Variants in UCHL3 observed in about 807,000 individuals in gnomAD.
UCHL3 encodes ubiquitin C-terminal hydrolase L3, also known as ubiquitin carboxyl-terminal hydrolase isozyme L3.
UCHL3 carries 22 observed loss-of-function variants against 35.8 expected under a neutral mutation model. The ratio of observed to expected loss-of-function variants is 0.61; its 90% CI spans 0.44 to 0.88. UCHL3 has a LOEUF of 0.88. UCHL3 is among the 40% of genes least tolerant of loss of function. UCHL3 has a pLI of 0.00. For synonymous variants in UCHL3, 90 were observed against 92.8 expected (o/e 0.97, Z 0.17); for missense variants, 229 against 276.9 (o/e 0.83, Z 1.23).
intron 6 of UCHL3, chr13:75,589,917 T>G (rs2032431256): frequency 7.7e-7 from 1 of 1,290,864 alleles, no homozygotes; most frequent in Non-Finnish European, 1.0e-6. Context: ...AAGTAAAATA[T>G]TCTCTTTTTT....
intron 3 of UCHL3, among the ~76,000 whole-genome samples, chr13:75,561,394 G>C (rs2031490401): frequency 6.6e-6 from 1 of 151,972 alleles, no homozygotes; most frequent in African/African-American, 2.4e-5. Context: ...TGACAGTAAA[G>C]TCCTAGGTTA....
intron 5 of UCHL3, among the ~76,000 whole-genome samples, chr13:75,568,788 A>T (rs965279802): frequency 2.6e-5 from 4 of 152,138 alleles, no homozygotes; most frequent in Non-Finnish European, 5.9e-5. Context: ...ATAAACTCCT[A>T]GAAGAGAAGT....
intron 8 of UCHL3, 53 bp from the exon 9 acceptor site, chr13:75,605,676 G>A: frequency 6.6e-7 from 1 of 1,518,750 alleles, no homozygotes; most frequent in Non-Finnish European, 9.1e-7. Flanking sequence ...TTTATCATTT[G>A]TAAGTAAAAC....
At chr13:75,594,080 T>C (rs528229899) in intron 6 of UCHL3, among the ~76,000 whole-genome samples, 3 of 152,354 alleles carry the variant, frequency 2.0e-5, no homozygotes, top group Non-Finnish European at 4.4e-5. Flanking sequence ...CATATTAATA[T>C]TAGCTGTATA....
chr13:75,576,690 G>T (rs899811863), intron 6 of UCHL3, among the ~76,000 whole-genome samples: 5 of 152,158 alleles, frequency 3.3e-5, no homozygotes, highest in Non-Finnish European at 7.4e-5. Context: ...TCATGATTGA[G>T]TTTTGAAGCA....
chr13:75,571,943 T>C (rs1037619304), intron 6 of UCHL3, among the ~76,000 whole-genome samples: 2 of 150,740 alleles, frequency 1.3e-5, no homozygotes, highest in Non-Finnish European at 2.9e-5. Flanking sequence ...TTTCAGGCTC[T>C]TTAACCCAGC....
intron 6 of UCHL3, among the ~76,000 whole-genome samples, chr13:75,580,018 G>T (rs140867435): frequency 7.2e-4 from 109 of 152,160 alleles, no homozygotes; most frequent in African/African-American, 2.5e-3. Flanking sequence ...TAAACTGAAG[G>T]GAGAGAAAAC....
At chr13:75,564,236 C>T (rs4885314) in intron 3 of UCHL3, among the ~76,000 whole-genome samples, 86,991 of 151,064 alleles carry the variant, frequency 0.58, 26,809 homozygotes, top group Non-Finnish European at 0.69. Context: ...CTGCAAGCTC[C>T]GCCTCCTGGG....
chr13:75,587,881 C>T (rs186678477), intron 6 of UCHL3, among the ~76,000 whole-genome samples: 8 of 152,178 alleles, frequency 5.3e-5, no homozygotes, highest in Admixed American at 1.3e-4. Flanking sequence ...TGCTGTAAAC[C>T]AGTGGTTTCC....
chr13:75,595,538 A>G (rs1407291403), intron 7 of UCHL3, among the ~76,000 whole-genome samples: 2 of 130,528 alleles, frequency 1.5e-5, no homozygotes, highest in Non-Finnish European at 3.1e-5. Context: ...TGGAGGTTTC[A>G]GTGAGCCGAG....
rs574883530 is a variant in UCHL3 at position 75,550,396 on chromosome 13, C to T, written c.54+409C>T. Among the ~76,000 whole-genome samples the T allele has an allele frequency of 1.4e-4, 21 of 152,292 alleles. No homozygotes were observed. The East Asian group carries it at 3.9e-3, about 28-fold the overall frequency. ...TCCAAGCTTTGTAAACTCGCCCACC[C>T]AGTCCTTGTAATTTCATCCACCGCC... On this transcript the variant is annotated intron_variant, in intron 2 of 8. Coordinates refer to ENST00000377595, the MANE Select transcript of UCHL3 (RefSeq NM_006002.5).
At chr13:75,592,460 A>ATATGTATATATG (rs1566228234) in intron 6 of UCHL3, among the ~76,000 whole-genome samples, 1 of 110,330 alleles carries the variant, frequency 9.1e-6, no homozygotes. Flanking sequence ...ATATATATAT[A>ATATGTATATATG]TATATATGAA....
At chr13:75,578,167 A>T (rs2032080137) in intron 6 of UCHL3, among the ~76,000 whole-genome samples, 1 of 152,072 alleles carries the variant, frequency 6.6e-6, no homozygotes, top group Non-Finnish European at 1.5e-5. Context: ...ATTACCATGA[A>T]CATTTTTTTT....
intron 6 of UCHL3, among the ~76,000 whole-genome samples, chr13:75,571,358 G>A (rs549597142): frequency 1.3e-5 from 2 of 151,834 alleles, no homozygotes; most frequent in East Asian, 1.9e-4. Flanking sequence ...AGACCTAACC[G>A]CCTTCATTCT....
At chr13:75,585,521 T>C (rs1183569524) in intron 6 of UCHL3, among the ~76,000 whole-genome samples, 3 of 152,072 alleles carry the variant, frequency 2.0e-5, no homozygotes, top group Non-Finnish European at 4.4e-5. Flanking sequence ...GTAAAGGAAT[T>C]TCATTATGCT....
chr13:75,549,769 G>C, upstream of UCHL3: 3 of 1,052,598 alleles, frequency 2.9e-6, no homozygotes, highest in East Asian at 4.6e-5. Context: ...CGGAAGCGGC[G>C]GCGGCGGCGA....
intron 6 of UCHL3, among the ~76,000 whole-genome samples, chr13:75,588,032 T>C (rs528786674): frequency 6.6e-6 from 1 of 152,234 alleles, no homozygotes; most frequent in East Asian, 1.9e-4. Flanking sequence ...ATAATTTTTT[T>C]TTTTCTCTGA....
In UCHL3 at chr13:75,578,118, T is replaced by C. The variant is rs563623416; in HGVS notation, c.474+8611T>C. Among the ~76,000 whole-genome samples the C allele has an allele frequency of 3.3e-5, 5 of 152,300 alleles. No individual in the cohort carries two copies. In the South Asian group the frequency reaches 1.0e-3, roughly 32 times the overall value. On this transcript the variant is annotated intron_variant, in intron 6 of 8. Transcript: ENST00000377595. ...TTTTTTTAGTACATTTTAAGAACAG[T>C]TGAGATCAAGCGATTTTATTTGACT...
Position 75,566,814 on chromosome 13 carries a change from TC to T in UCHL3, c.304del (p.His102MetfsTer18). 2 of 1,605,914 alleles carry T rather than the reference TC, an allele frequency of 1.2e-6. No individual in the cohort carries two copies. The highest frequency in any genetic ancestry group is 1.7e-6 in the Non-Finnish European group (2 of 1,177,744). On this transcript the variant is annotated frameshift_variant, in exon 4 of 9. Transcript: ENST00000377595. LOFTEE classifies it high-confidence loss of function. Reference sequence around the variant, plus strand: ...ATGCCTGTGGAACAATTGGACTGATTCATGCTATTGCAAACAATAAAGACAA... The same window carrying T: ...ATGCCTGTGGAACAATTGGACTGATTATGCTATTGCAAACAATAAAGACAA... ...SNACGTIGLIHAIANNKDKMH... is the reference protein window; with the variant it reads ...SNACGTIGLIXAIANNKDKMH...
Sources: allele counts gnomAD v4.1 joint callset (sites outside exome capture counted in the v4.1 genomes callset), GRCh38; gene constraint gnomAD v4.1.1; transcripts MANE v1.5; gene names NCBI Gene and HGNC (gene_info 2026-07-23, HGNC 2026-07-21).